CCDC171: variants seen among roughly 807,000 people sequenced by gnomAD.
The protein encoded by CCDC171 is coiled-coil domain containing 171.
In CCDC171, 177 loss-of-function variants were observed where a neutral mutation model predicts 168.2. The ratio of observed to expected loss-of-function variants is 1.05; its 90% confidence interval spans 0.93 to 1.19. The LOEUF is 1.19. Among genes scored for constraint, CCDC171 ranks in the 50% most tolerant of loss-of-function variants. The pLI, the probability that CCDC171 is intolerant of heterozygous loss-of-function variation, is 0.00. For missense variants in CCDC171, 1,991 were observed against 1,539.0 expected (o/e 1.29, Z -4.91); for synonymous variants, 687 against 540.8 (o/e 1.27, Z -3.75).
At chr9:16,006,429 T>C (rs547651977) in intron 3 of CCDC171, among the ~76,000 whole-genome samples, 1 of 152,110 alleles carries the variant, frequency 6.6e-6, no homozygotes, top group East Asian at 1.9e-4. Flanking sequence ...TTGCCCATTT[T>C]CTTTTCTTTT....
chr9:15,916,975 A>C (rs905742853), intron 24 of CCDC171, among the ~76,000 whole-genome samples: 1 of 151,948 alleles, frequency 6.6e-6, no homozygotes, highest in African/African-American at 2.4e-5. Context: ...GACTTGCTGT[A>C]TATAATATCA....
chr9:15,580,270 T>A (rs2041007562), intron 4 of CCDC171, among the ~76,000 whole-genome samples: 1 of 152,112 alleles, frequency 6.6e-6, no homozygotes, highest in Non-Finnish European at 1.5e-5. Context: ...TTCTAGAAGA[T>A]AACATTGGAA....
the CCDC171 span, among the ~76,000 whole-genome samples, chr9:16,079,485 A>G: frequency 7.2e-5 from 11 of 152,232 alleles, no homozygotes; most frequent in Admixed American, 3.3e-4. Flanking sequence ...GGCAGAGATC[A>G]GGTGATGCTT....
At chr9:15,775,981 A>G (rs1333304009) in intron 18 of CCDC171, among the ~76,000 whole-genome samples, 1 of 152,220 alleles carries the variant, frequency 6.6e-6, no homozygotes, top group African/African-American at 2.4e-5. Context: ...AGGTATTGAA[A>G]TGATAAATTG....
intron 3 of CCDC171, among the ~76,000 whole-genome samples, chr9:15,575,913 G>A (rs1258584138): frequency 3.3e-5 from 5 of 152,176 alleles, no homozygotes; most frequent in Non-Finnish European, 5.9e-5. Context: ...CCAACATGGC[G>A]AAACCCTGTC....
Position 15,971,602 on chromosome 9 carries a change from G to A in CCDC171, c.3754-7G>A, listed in dbSNP as rs758850525. 1 of 1,602,024 alleles carries A rather than the reference G, an allele frequency of 6.2e-7. No homozygotes were observed. The highest frequency in any genetic ancestry group is 1.7e-5 in the Admixed American group (1 of 59,788). The stretch of plus-strand genomic sequence containing the variant: ...TGTTTATTATTTTTTTCTTTTGTAT[G>A]TCACAGATAGGATCACGAGACCATT... On this transcript the variant is annotated splice_region_variant and splice_polypyrimidine_tract_variant and intron_variant, in intron 25 of 25. Coordinates refer to ENST00000380701, the MANE Select transcript of CCDC171 (RefSeq NM_173550.4).
chr9:15,759,456 G>T (rs1458989640), intron 18 of CCDC171, among the ~76,000 whole-genome samples: 9 of 152,090 alleles, frequency 5.9e-5, no homozygotes, highest in Non-Finnish European at 1.3e-4. Context: ...CTGTCATTCA[G>T]ATCCCATTAA....
rs1403845878 is a variant in CCDC171 at position 15,952,091 on chromosome 9, T to C, written c.3754-19518T>C. 3.9e-5 allele frequency among the ~76,000 whole-genome samples: 6 copies of C among 152,322 alleles called. No homozygotes were observed. The East Asian group carries it at 1.2e-3, about 29-fold the overall frequency. On this transcript the variant is annotated intron_variant, in intron 25 of 25. Coordinates refer to ENST00000380701, the MANE Select transcript of CCDC171 (RefSeq NM_173550.4). ...GTGAACTTCTTCAACTTCATTCTTT[T>C]GCATGTGGACATGCAGTTCTCCTAG...
At chr9:15,782,960 TTAATTTATA>T (rs1321408262) in intron 20 of CCDC171, among the ~76,000 whole-genome samples, 33 of 152,220 alleles carry the variant, frequency 2.2e-4, no homozygotes, top group African/African-American at 5.5e-4. Context: ...ATCATTCTCA[TTAATTTATA>T]TTAACTTAGG....
At chr9:15,847,573 G>A (rs185102618) in intron 22 of CCDC171, among the ~76,000 whole-genome samples, 1 of 152,050 alleles carries the variant, frequency 6.6e-6, no homozygotes, top group African/African-American at 2.4e-5. Context: ...TTGTACAACA[G>A]CATGGCTTAA....
chr9:15,619,607 A>G (rs1200922882), intron 6 of CCDC171, among the ~76,000 whole-genome samples: 1 of 152,254 alleles, frequency 6.6e-6, no homozygotes, highest in Non-Finnish European at 1.5e-5. Flanking sequence ...AGACTTCTAC[A>G]TAATATAAAA....
chr9:15,961,739 T>C (rs1034235867), intron 25 of CCDC171, among the ~76,000 whole-genome samples: 2 of 152,160 alleles, frequency 1.3e-5, no homozygotes, highest in Non-Finnish European at 2.9e-5. Context: ...TATATATAAA[T>C]ATGTATAGTT....
upstream of CCDC171, among the ~76,000 whole-genome samples, chr9:16,040,311 AG>A: frequency 6.6e-6 from 1 of 152,306 alleles, no homozygotes; most frequent in East Asian, 1.9e-4. Flanking sequence ...TCCCCAGTGA[AG>A]GGATTCTGCA....
intron 6 of CCDC171, among the ~76,000 whole-genome samples, chr9:15,598,984 TG>T (rs2042609774): frequency 6.6e-6 from 1 of 152,186 alleles, no homozygotes; most frequent in South Asian, 2.1e-4. Flanking sequence ...CTGCCTTTTT[TG>T]TTTTCCATTT....
At chr9:15,567,475 A>C (rs2039842364) in intron 2 of CCDC171, among the ~76,000 whole-genome samples, 1 of 152,128 alleles carries the variant, frequency 6.6e-6, no homozygotes, top group African/African-American at 2.4e-5. Context: ...TTCTGCAAAA[A>C]TGTCTGTTGG....
At chr9:15,749,509 A>G (rs1220619537) in intron 18 of CCDC171, among the ~76,000 whole-genome samples, 1 of 152,056 alleles carries the variant, frequency 6.6e-6, no homozygotes, top group South Asian at 2.1e-4. Context: ...CCCAAATCAA[A>G]GGAATAAACA....
At chr9:15,879,447 A>G (rs1445701152) in intron 24 of CCDC171, among the ~76,000 whole-genome samples, 1 of 152,074 alleles carries the variant, frequency 6.6e-6, no homozygotes, top group Non-Finnish European at 1.5e-5. Flanking sequence ...GCATATTACA[A>G]TTCTTCTCTT....
intron 3 of CCDC171, among the ~76,000 whole-genome samples, chr9:16,013,298 G>C (rs1832923202): frequency 6.6e-6 from 1 of 151,970 alleles, no homozygotes; most frequent in Non-Finnish European, 1.5e-5. Flanking sequence ...TTATTCCCTG[G>C]AAAAAATCCA....
chr9:15,630,809 A>AT (rs1313849676), intron 7 of CCDC171, among the ~76,000 whole-genome samples: 1 of 152,236 alleles, frequency 6.6e-6, no homozygotes, highest in Non-Finnish European at 1.5e-5. Flanking sequence ...ATGAGAAATT[A>AT]TAACAAACTG....
Sources: allele counts gnomAD v4.1 joint callset (sites outside exome capture counted in the v4.1 genomes callset), GRCh38; gene constraint gnomAD v4.1.1; transcripts MANE v1.5; gene names NCBI Gene and HGNC (gene_info 2026-07-23, HGNC 2026-07-21).